The following FGF14 variants were observed in gnomAD, a reference collection of about 807,000 sequenced individuals.
FGF14 encodes the protein fibroblast growth factor homologous factor 4.
Under a neutral mutation model 25.5 loss-of-function variants are expected in FGF14, and 5 were observed. The observed-to-expected ratio is 0.20, with a 90% CI of 0.10 to 0.41. The LOEUF (loss-of-function observed/expected upper bound fraction) is 0.41. Among genes scored for constraint, FGF14 ranks in the 10% least tolerant of loss-of-function variants. The probability of loss-of-function intolerance (pLI) is 1.00; values close to 1 mark genes in which losing one functional copy is unlikely to be tolerated. For missense variants in FGF14, 222 were observed against 320.1 expected, an observed-to-expected ratio of 0.69 and a Z score of 2.34; for synonymous variants, 138 against 118.3, an observed-to-expected ratio of 1.17 and a Z score of -1.08.
intron 3 of FGF14, among the ~76,000 whole-genome samples, chr13:101,836,602 A>T (rs1001967656): frequency 9.2e-5 from 14 of 152,096 alleles, no homozygotes; most frequent in African/African-American, 3.4e-4. Flanking sequence ...GGCAAACTAA[A>T]TTATAAAAAA....
chr13:102,173,767 TA>T (rs1300521532), intron 1 of FGF14, among the ~76,000 whole-genome samples: 11 of 152,132 alleles, frequency 7.2e-5, no homozygotes, highest in Middle Eastern at 3.4e-3. Context: ...TTATCTAAAA[TA>T]GTCAAACTGA....
chr13:102,196,249 C>T (rs1024325115), intron 1 of FGF14, among the ~76,000 whole-genome samples: 29 of 152,286 alleles, frequency 1.9e-4, no homozygotes, highest in South Asian at 6.2e-4. Flanking sequence ...ACAAAGCTAA[C>T]CGTATCATAT....
chr13:102,248,621 G>A (rs1003175754), intron 1 of FGF14, among the ~76,000 whole-genome samples: 50 of 152,102 alleles, frequency 3.3e-4, no homozygotes, highest in Non-Finnish European at 3.2e-4. Context: ...ATTACCAAGA[G>A]GTTTGGATTC....
chr13:101,796,413 T>C (rs1038485071), intron 3 of FGF14, among the ~76,000 whole-genome samples: 1 of 151,996 alleles, frequency 6.6e-6, no homozygotes, highest in Non-Finnish European at 1.5e-5. Flanking sequence ...AGCCTGAGCA[T>C]GCACTGGGGG....
At chr13:101,861,333 T>C (rs551810120) in intron 3 of FGF14, among the ~76,000 whole-genome samples, 1 of 152,146 alleles carries the variant, frequency 6.6e-6, no homozygotes, top group South Asian at 2.1e-4. Flanking sequence ...TGCAGCATCT[T>C]ACTCCATCCA....
chr13:101,723,028 T>G, intron 4 of FGF14, 61 bp from the exon 5 acceptor site: 1 of 1,600,814 alleles, frequency 6.2e-7, no homozygotes, highest in Non-Finnish European at 8.6e-7. Flanking sequence ...GTGAGAATGG[T>G]CCATCCATAC....
intron 1 of FGF14, among the ~76,000 whole-genome samples, chr13:102,215,538 T>C (rs778236579): frequency 5.3e-5 from 8 of 152,288 alleles, no homozygotes; most frequent in Non-Finnish European, 1.0e-4. Context: ...AAATTATCTC[T>C]AGTTCCTATG....
chr13:102,317,951 C>T (rs1334370089), intron 1 of FGF14, among the ~76,000 whole-genome samples: 1 of 152,214 alleles, frequency 6.6e-6, no homozygotes, highest in Non-Finnish European at 1.5e-5. Context: ...CACAATCTGG[C>T]CTACTACAAC....
intron 1 of FGF14, among the ~76,000 whole-genome samples, chr13:102,158,901 G>A (rs907675829): frequency 4.6e-5 from 7 of 152,104 alleles, no homozygotes; most frequent in African/African-American, 1.4e-4. Flanking sequence ...CACTTTGGGA[G>A]GCCGAGGCAG....
rs770059470 is a variant in FGF14 at position 101,722,787 on chromosome 13, A to C, written c.*44T>G. ...ATGTCTGGTGAGGATAAATCACTCA[A>C]CTGTGCTCAGGACGAATAAGTCACA... On this transcript the variant is annotated 3_prime_UTR_variant, in exon 5 of 5. Transcript: ENST00000376143. 6.2e-7 allele frequency: 1 copy of C among 1,612,378 alleles called. No homozygotes were observed. Among genetic ancestry groups the C allele is most frequent in the Admixed American group, 1.7e-5 (1 of 59,832 alleles).
intron 1 of FGF14, among the ~76,000 whole-genome samples, chr13:101,916,148 C>A (rs1594715762): frequency 1.3e-5 from 2 of 152,222 alleles, no homozygotes; most frequent in Admixed American, 1.3e-4. Context: ...AGTCCCTATC[C>A]TCCCGGGAAG....
At chr13:102,281,083 G>A (rs978339411) in intron 1 of FGF14, among the ~76,000 whole-genome samples, 1 of 152,000 alleles carries the variant, frequency 6.6e-6, no homozygotes. Flanking sequence ...TTCCCCAAGT[G>A]CTTGAGTTTC....
chr13:101,756,535 T>A (rs762481401), intron 3 of FGF14, among the ~76,000 whole-genome samples: 1 of 151,936 alleles, frequency 6.6e-6, no homozygotes. Context: ...GAGATTGAGA[T>A]CATCCTGGCC....
chr13:101,867,044 AC>A (rs906624467), intron 3 of FGF14, among the ~76,000 whole-genome samples: 1 of 152,148 alleles, frequency 6.6e-6, no homozygotes. Flanking sequence ...AGAACAACGT[AC>A]CCAGTAACAA....
At chr13:102,297,010 C>T (rs113496179) in intron 1 of FGF14, among the ~76,000 whole-genome samples, 1 of 151,894 alleles carries the variant, frequency 6.6e-6, no homozygotes, top group Non-Finnish European at 1.5e-5. Context: ...ACAACAACAA[C>T]AAAAAAAGTA....
At chr13:101,850,526 T>G (rs1390718285) in intron 3 of FGF14, among the ~76,000 whole-genome samples, 146 of 2,626 alleles carry the variant, frequency 0.056, 43 homozygotes, top group South Asian at 0.094. Context: ...AATTATATAT[T>G]CTATATATAT....
intron 1 of FGF14, among the ~76,000 whole-genome samples, chr13:101,988,422 T>C (rs866934979): frequency 4.6e-5 from 7 of 151,976 alleles, no homozygotes; most frequent in African/African-American, 1.7e-4. Context: ...GTTTTGCTAT[T>C]GCTATTCACA....
chr13:101,924,801 G>T (rs747656636), intron 1 of FGF14, among the ~76,000 whole-genome samples: 2 of 152,140 alleles, frequency 1.3e-5, no homozygotes, highest in Non-Finnish European at 2.9e-5. Context: ...AAGATCTTAA[G>T]CACATGCCTT....
intron 1 of FGF14, among the ~76,000 whole-genome samples, chr13:102,167,286 C>T (rs1002990634): frequency 4.8e-5 from 6 of 126,158 alleles, no homozygotes; most frequent in African/African-American, 6.4e-5. Context: ...TGCAGTGAGC[C>T]GAGATTGCAC....
Sources: gnomAD v4.1 joint callset for allele counts (sites outside exome capture counted in the v4.1 genomes callset) on GRCh38, gnomAD v4.1.1 for gene constraint, MANE v1.5 for transcripts, NCBI Gene and HGNC (gene_info 2026-07-23, HGNC 2026-07-21) for gene names.